BCL2: variants seen among roughly 807,000 people sequenced by gnomAD.
The protein encoded by BCL2 is apoptosis regulator Bcl-2.
A neutral mutation model predicts 14.2 loss-of-function variants in BCL2; 1 was observed. That is an observed-to-expected ratio of 0.07 (90% CI 0.02 to 0.33). The LOEUF (loss-of-function observed/expected upper bound fraction) is 0.33. Among genes scored for constraint, BCL2 ranks in the 10% least tolerant of loss-of-function variants. BCL2 has a pLI of 0.99. For missense variants in BCL2, 247 were observed against 305.9 expected (o/e 0.81, Z 1.44); for synonymous variants, 151 against 137.2 (o/e 1.10, Z -0.70).
chr18:63,312,839 A>C lies in BCL2; in HGVS notation c.585+5243T>G, dbSNP rs184004687. Among the ~76,000 whole-genome samples the C allele has an allele frequency of 5.3e-5, 8 of 152,304 alleles. No homozygotes were observed. In the East Asian group the frequency reaches 1.5e-3, roughly 29 times the overall value. ...TCTTTTACTTAAAAAGAATTAATGA[A>C]ATGCTTTAGAAATTGTAGACTGGTG... On this transcript the variant is annotated intron_variant, in intron 2 of 2. Coordinates refer to ENST00000333681, the MANE Select transcript of BCL2 (RefSeq NM_000633.3).
At chr18:63,313,547 A>G (rs1913401470) in intron 2 of BCL2, among the ~76,000 whole-genome samples, 1 of 152,238 alleles carries the variant, frequency 6.6e-6, no homozygotes, top group Non-Finnish European at 1.5e-5. Flanking sequence ...TCTCTGGGGG[A>G]AAAAGAAAAC....
intron 2 of BCL2, among the ~76,000 whole-genome samples, chr18:63,228,152 G>T (rs778203138): frequency 2.0e-5 from 3 of 152,198 alleles, no homozygotes; most frequent in Non-Finnish European, 4.4e-5. Flanking sequence ...GGGCCCTGCT[G>T]TTCTGACCTA....
At chr18:63,312,446 A>G (rs1454263761) in intron 2 of BCL2, among the ~76,000 whole-genome samples, 4 of 152,382 alleles carry the variant, frequency 2.6e-5, no homozygotes, top group East Asian at 1.9e-4. Flanking sequence ...TTGGGCATAT[A>G]TAAGAACAAC....
intron 2 of BCL2, among the ~76,000 whole-genome samples, chr18:63,253,757 A>G (rs988725275): frequency 1.3e-5 from 2 of 152,110 alleles, no homozygotes; most frequent in Non-Finnish European, 2.9e-5. Context: ...ATTCCCCAGT[A>G]TATTAGAAAG....
chr18:63,137,192 T>C (rs1312447416), intron 2 of BCL2, among the ~76,000 whole-genome samples: 1 of 152,232 alleles, frequency 6.6e-6, no homozygotes, highest in East Asian at 1.9e-4. Context: ...AAGTCAACTT[T>C]GGTTCATTCA....
At chr18:63,175,921 G>T (rs1190236479) in intron 2 of BCL2, among the ~76,000 whole-genome samples, 1 of 152,192 alleles carries the variant, frequency 6.6e-6, no homozygotes, top group Non-Finnish European at 1.5e-5. Context: ...CTGTGACATG[G>T]GAGGCACTCA....
At chr18:63,141,475 G>A (rs1416473349) in intron 2 of BCL2, among the ~76,000 whole-genome samples, 4 of 152,156 alleles carry the variant, frequency 2.6e-5, no homozygotes, top group Non-Finnish European at 5.9e-5. Context: ...TTGCTTTTAT[G>A]AGCATAATCC....
At chr18:63,157,478 T>C (rs893852136) in intron 2 of BCL2, among the ~76,000 whole-genome samples, 5 of 152,356 alleles carry the variant, frequency 3.3e-5, no homozygotes, top group African/African-American at 9.6e-5. Context: ...CACGCGGCAG[T>C]TGAAAAGGGG....
chr18:63,292,135 C>T (rs902853447), intron 2 of BCL2, among the ~76,000 whole-genome samples: 2 of 148,554 alleles, frequency 1.3e-5, no homozygotes, highest in African/African-American at 5.0e-5. Flanking sequence ...TTTCTAACGA[C>T]ACAGAAACCT....
At chr18:63,271,603 G>T (rs962515314) in intron 2 of BCL2, among the ~76,000 whole-genome samples, 1 of 152,114 alleles carries the variant, frequency 6.6e-6, no homozygotes, top group African/African-American at 2.4e-5. Context: ...GCCCCCACAA[G>T]GCCAATACTA....
chr18:63,176,107 C>G (rs114729753), intron 2 of BCL2, among the ~76,000 whole-genome samples: 141 of 152,334 alleles, frequency 9.3e-4, no homozygotes, highest in African/African-American at 3.0e-3. Context: ...TCTGTTCGCT[C>G]TGGTCAGGAC....
At chr18:63,288,505 G>A (rs1455775662) in intron 2 of BCL2, among the ~76,000 whole-genome samples, 3 of 152,224 alleles carry the variant, frequency 2.0e-5, no homozygotes. Flanking sequence ...AAGCAACCAA[G>A]GGAAGATGGG....
chr18:63,270,493 T>C (rs1911975265), intron 2 of BCL2, among the ~76,000 whole-genome samples: 1 of 152,122 alleles, frequency 6.6e-6, no homozygotes, highest in Non-Finnish European at 1.5e-5. Context: ...ACCCTCTGCA[T>C]AAAAAGAGGG....
At chr18:63,156,305 T>G (rs1265622820) in intron 2 of BCL2, among the ~76,000 whole-genome samples, 4 of 152,172 alleles carry the variant, frequency 2.6e-5, no homozygotes, top group African/African-American at 7.2e-5. Context: ...ATTAGTAGGC[T>G]TTAGAACTTA....
intron 2 of BCL2, among the ~76,000 whole-genome samples, chr18:63,170,711 T>G (rs1449495517): frequency 6.6e-6 from 1 of 152,242 alleles, no homozygotes; most frequent in African/African-American, 2.4e-5. Flanking sequence ...CATGGGGCCA[T>G]CTGCACTCTT....
Position 63,276,170 on chromosome 18 carries a change from C to T in BCL2, c.585+41912G>A, listed in dbSNP as rs151044574. ...AGACAGACAGAGGTCAGCCTGGTAC[C>T]TCTGCAGCTCACTCTTGGGGGCCGA... On this transcript the variant is annotated intron_variant, in intron 2 of 2. Coordinates refer to ENST00000333681, the MANE Select transcript of BCL2 (RefSeq NM_000633.3). Among the ~76,000 whole-genome samples, 431 of 152,314 alleles carry T rather than the reference C, an allele frequency of 2.8e-3. 3 individuals carry two copies. The highest frequency in any genetic ancestry group is 0.01 in the African/African-American group (420 of 41,562).
chr18:63,181,160 G>C (rs1915473050), intron 2 of BCL2, among the ~76,000 whole-genome samples: 1 of 152,174 alleles, frequency 6.6e-6, no homozygotes, highest in Non-Finnish European at 1.5e-5. Context: ...CTCCTTGTTT[G>C]GCTGCAGGTT....
intron 2 of BCL2, among the ~76,000 whole-genome samples, chr18:63,136,177 T>A (rs1359987272): frequency 2.6e-5 from 4 of 152,284 alleles, no homozygotes; most frequent in Non-Finnish European, 5.9e-5. Flanking sequence ...CTTTGACCAA[T>A]CTCTTTCACT....
intron 2 of BCL2, among the ~76,000 whole-genome samples, chr18:63,223,416 T>G (rs1221427023): frequency 5.0e-5 from 7 of 140,414 alleles, no homozygotes; most frequent in Non-Finnish European, 9.5e-5. Context: ...AAAAAATAAA[T>G]AAAGAAGAAT....
Sources: allele counts gnomAD v4.1 joint callset (sites outside exome capture counted in the v4.1 genomes callset), GRCh38; gene constraint gnomAD v4.1.1; transcripts MANE v1.5; gene names NCBI Gene and HGNC (gene_info 2026-07-23, HGNC 2026-07-21).